NDEL1: variants seen among roughly 807,000 people sequenced by gnomAD.
NDEL1 encodes nudE neurodevelopment protein 1 like 1, also known as nuclear distribution protein nudE-like 1.
A neutral mutation model predicts 45.7 loss-of-function variants in NDEL1; 9 were observed. That is an observed-to-expected ratio of 0.20 (90% CI 0.12 to 0.34). The LOEUF is 0.34. Among genes scored for constraint, NDEL1 ranks in the 10% least tolerant of loss-of-function variants. NDEL1 has a pLI of 1.00. For missense variants in NDEL1, 306 were observed against 406.2 expected (o/e 0.75, Z 2.12); for synonymous variants, 133 against 158.6 (o/e 0.84, Z 1.21).
At chr17:8,426,377 A>G (rs1463326751) in intron 1 of NDEL1, among the ~76,000 whole-genome samples, 2 of 152,184 alleles carry the variant, frequency 1.3e-5, no homozygotes, top group African/African-American at 4.8e-5. Context: ...CCGTCATTTC[A>G]TTAGTCTAGT....
chr17:8,432,483 C>T (rs959531093), upstream of NDEL1, among the ~76,000 whole-genome samples: 4 of 151,040 alleles, frequency 2.6e-5, no homozygotes, highest in Non-Finnish European at 5.9e-5. Context: ...CTCCCGGGTT[C>T]ATGCCATTCT....
At chr17:8,439,495 C>G (rs996262057) in intron 1 of NDEL1, among the ~76,000 whole-genome samples, 2 of 151,546 alleles carry the variant, frequency 1.3e-5, no homozygotes, top group Middle Eastern at 3.4e-3. Context: ...CTCAAGTGAT[C>G]CGCCTGCCTC....
rs1911689250 is a variant in NDEL1, at chr17:8,467,623, A to G, written c.*600A>G. On this transcript the variant is annotated 3_prime_UTR_variant, in exon 9 of 9. Transcript: ENST00000334527. The surrounding 1 kb of genome is among the most constrained non-coding windows in gnomAD (Gnocchi z 6.3). ...ATGGACTTGCCTCCCAGAGCAGCAC[A>G]ATGCCCGTCTGAGCCCCACGTGGCA... 1 of 158,242 alleles carries G rather than the reference A, an allele frequency of 6.3e-6. No individual in the cohort carries two copies. Among genetic ancestry groups the G allele is most frequent in the South Asian group, 2.0e-4 (1 of 4,882 alleles). 9.8% of individuals were successfully genotyped at this position (158,242 alleles called of 1,614,324 possible).
At chr17:8,439,313 T>C (rs927215668) in intron 1 of NDEL1, among the ~76,000 whole-genome samples, 4 of 151,276 alleles carry the variant, frequency 2.6e-5, no homozygotes, top group African/African-American at 9.7e-5. Flanking sequence ...CAATCTCGGC[T>C]CACTGCAACC....
At position 8,467,204 on chromosome 17, in the gene NDEL1, T is replaced by TA; in HGVS notation, c.*182dup. The TA allele has an allele frequency of 1.6e-6, 1 of 618,418 alleles. No homozygotes were observed. The highest frequency in any genetic ancestry group is 2.8e-6 in the Non-Finnish European group (1 of 350,936). The allele number at this position is 618,418 out of a possible 1,614,324, so 38.3% of individuals were successfully genotyped here. A position where few individuals can be genotyped will look rare whatever the true frequency, so the allele number is the denominator to read the frequency against. ...TGCCCAGCCCCGGAACTCTGCGCGATATCAATACTGGCTATTTTCTCTTCT... is the reference window on the plus strand; with the variant it reads ...TGCCCAGCCCCGGAACTCTGCGCGATAATCAATACTGGCTATTTTCTCTTCT... On this transcript the variant is annotated 3_prime_UTR_variant, in exon 9 of 9. Transcript: ENST00000334527. The surrounding 1 kb of genome is among the most constrained non-coding windows in gnomAD (Gnocchi z 6.3).
At chr17:8,457,975 C>T (rs1056190947) in intron 7 of NDEL1, among the ~76,000 whole-genome samples, 2 of 152,136 alleles carry the variant, frequency 1.3e-5, no homozygotes, top group South Asian at 2.1e-4. Context: ...GTACATATTA[C>T]ATACTTTAAA....
upstream of NDEL1, among the ~76,000 whole-genome samples, chr17:8,435,626 C>T (rs1321916814): frequency 6.6e-6 from 1 of 152,248 alleles, no homozygotes; most frequent in African/African-American, 2.4e-5. Flanking sequence ...GGTTCCCATC[C>T]GTCTTGGCAC....
At chr17:8,428,830 C>T (rs182839270) in intron 1 of NDEL1, among the ~76,000 whole-genome samples, 107 of 152,032 alleles carry the variant, frequency 7.0e-4, no homozygotes, top group Admixed American at 3.0e-3. Flanking sequence ...CCTGCCACCA[C>T]GCCCGGCTAA....
At chr17:8,449,238 CCCAAAATGCTGGGATT>C (rs1910303775) in intron 5 of NDEL1, among the ~76,000 whole-genome samples, 1 of 152,216 alleles carries the variant, frequency 6.6e-6, no homozygotes, top group Admixed American at 6.5e-5. Context: ...GCCTTGGCCT[CCCAAAATGCTGGGATT>C]ACAGACGTGA....
At chr17:8,437,433 C>G (rs1301087731) in intron 1 of NDEL1, among the ~76,000 whole-genome samples, 1 of 152,122 alleles carries the variant, frequency 6.6e-6, no homozygotes, top group African/African-American at 2.4e-5. Context: ...ATCTTGCTTT[C>G]ATGACATCTG....
intron 6 of NDEL1, among the ~76,000 whole-genome samples, chr17:8,453,663 A>G (rs926992981): frequency 1.3e-5 from 2 of 152,204 alleles, no homozygotes; most frequent in Non-Finnish European, 2.9e-5. Flanking sequence ...TAATTTTCTT[A>G]CAATATCCAT....
At chr17:8,466,863 G>A in intron 8 of NDEL1, 67 bp from the exon 9 acceptor site, 1 of 1,433,178 alleles carries the variant, frequency 7.0e-7, no homozygotes, top group Non-Finnish European at 9.8e-7. Context: ...CCTATTGTGT[G>A]TGAGTGATTT....
intron 1 of NDEL1, among the ~76,000 whole-genome samples, chr17:8,429,945 G>A (rs562158819): frequency 1.4e-4 from 21 of 152,242 alleles, no homozygotes; most frequent in African/African-American, 4.8e-4. Context: ...GATTATGGGC[G>A]ATGTGGGAAG....
Position 8,460,139 on chromosome 17 carries a change from A to G in NDEL1, c.923A>G (p.His308Arg). The G allele has an allele frequency of 6.2e-7, 1 of 1,613,184 alleles. No individual in the cohort carries two copies. The highest frequency in any genetic ancestry group is 2.2e-5 in the East Asian group (1 of 44,876). ...GGCACAAAGTTCTCTCGATCAGGGC[A>G]TACATCTTTCTTCGACAAAGGGTAA... ...GNGTKFSRSG[H>R]TSFFDKGAVN... The change falls in exon 8 of 9, where the codon CAT (histidine) becomes CGT (arginine). Residue 308 changes from histidine (H) to arginine (R), a missense_variant. This residue lies in a region of NDEL1 where 175 missense variants were observed against 205.2 expected (regional missense o/e 0.85). Transcript: ENST00000334527.
chr17:8,436,162 G>A, intron 1 of NDEL1, 117 bp downstream of exon 1: 1 of 251,936 alleles, frequency 4.0e-6, no homozygotes, highest in Non-Finnish European at 7.8e-6. Flanking sequence ...GCCGGGGCGG[G>A]CCGGGCCGGG....
Position 8,454,798 on chromosome 17 carries a change from A to G in NDEL1, c.703A>G (p.Ile235Val). 6.2e-7 allele frequency: 1 copy of G among 1,610,272 alleles called. No individual in the cohort carries two copies. The highest frequency in any genetic ancestry group is 2.2e-5 in the East Asian group (1 of 44,862). Residue 235 changes from isoleucine (I) to valine (V), a missense_variant and splice_region_variant, in exon 7 of 9, where the codon ATA becomes GTA. Ile to Val is a conservative substitution (Grantham distance 29). Around this residue, in one of 3 missense-constraint regions of NDEL1, gnomAD observed 175 missense variants for 205.2 expected, o/e 0.85. Transcript: ENST00000334527. ...ACTCAGCTTTTATTTTTCTCTAGCTATACCAAATGGTTTTGGTACCAGTCC... is the reference window on the plus strand; with the variant it reads ...ACTCAGCTTTTATTTTTCTCTAGCTGTACCAAATGGTTTTGGTACCAGTCC... ...TENTFPSPKA[I>V]PNGFGTSPLT...
At chr17:8,463,268 G>T in intron 8 of NDEL1, 2 of 1,491,220 alleles carry the variant, frequency 1.3e-6, no homozygotes, top group Non-Finnish European at 1.9e-6. Flanking sequence ...AGGGCGTGAT[G>T]TGGAAATAGT....
chr17:8,433,435 A>G (rs1402352013), upstream of NDEL1, among the ~76,000 whole-genome samples: 1 of 152,182 alleles, frequency 6.6e-6, no homozygotes, highest in Admixed American at 6.5e-5. Context: ...TGAATTATCC[A>G]TTTGTAAACT....
chr17:8,435,193 T>C (rs1342106013), upstream of NDEL1, among the ~76,000 whole-genome samples: 1 of 152,162 alleles, frequency 6.6e-6, no homozygotes, highest in Non-Finnish European at 1.5e-5. Flanking sequence ...TACACACACG[T>C]ACACGCATGT....
Sources: allele counts gnomAD v4.1 joint callset (sites outside exome capture counted in the v4.1 genomes callset), GRCh38; gene constraint gnomAD v4.1.1; regional missense constraint gnomAD v4.1.1; non-coding constraint Gnocchi (gnomAD v3.1); transcripts MANE v1.5; gene names NCBI Gene and HGNC (gene_info 2026-07-23, HGNC 2026-07-21).